HSH2D: variants seen among roughly 807,000 people sequenced by gnomAD.
The protein encoded by HSH2D is hematopoietic SH2 domain containing, also known as hematopoietic SH2 domain-containing protein.
In HSH2D, 16 loss-of-function variants were observed where a neutral mutation model predicts 21.5. The observed-to-expected ratio is 0.74, with a 90% CI of 0.50 to 1.13. The LOEUF (loss-of-function observed/expected upper bound fraction) is 1.13, where lower values mean the gene tolerates loss of function less well. Ranked by LOEUF, HSH2D falls within the 50% of genes most tolerant of loss-of-function variation. HSH2D has a pLI of 0.00. For missense variants in HSH2D, 418 were observed against 441.4 expected (o/e 0.95, Z 0.47); for synonymous variants, 172 against 184.7 (o/e 0.93, Z 0.56).
At chr19:16,144,439 TA>T (rs746627902) in intron 1 of HSH2D, among the ~76,000 whole-genome samples, 3 of 150,120 alleles carry the variant, frequency 2.0e-5, no homozygotes, top group Non-Finnish European at 3.0e-5. Flanking sequence ...CTCTTCCAAG[TA>T]AAAAAAAAGA....
intron 1 of HSH2D, chr19:16,134,271 G>C (rs2090944723): frequency 6.6e-6 from 1 of 152,208 alleles, no homozygotes; most frequent in African/African-American, 2.4e-5. Context: ...CTAGTTGGCA[G>C]TTCTGTACCC....
chr19:16,150,883 A>G (rs1436090726), intron 2 of HSH2D, among the ~76,000 whole-genome samples: 1 of 152,164 alleles, frequency 6.6e-6, no homozygotes, highest in African/African-American at 2.4e-5. Flanking sequence ...TTCATGAAAC[A>G]GCATATGTTC....
chr19:16,143,889 C>G, intron 1 of HSH2D, 115 bp downstream of exon 1: 6 of 248,444 alleles, frequency 2.4e-5, no homozygotes, highest in East Asian at 1.4e-4. Context: ...TTTCTAGGGG[C>G]ATGGGGGAGA....
intron 1 of HSH2D, among the ~76,000 whole-genome samples, chr19:16,134,959 T>TAA (rs992110141): frequency 7.7e-5 from 9 of 117,498 alleles, no homozygotes; most frequent in East Asian, 4.7e-4. Flanking sequence ...ACCCCATCTC[T>TAA]AAAAAAAAAA....
At chr19:16,134,907 A>C (rs1265771248) in intron 1 of HSH2D, among the ~76,000 whole-genome samples, 2 of 151,248 alleles carry the variant, frequency 1.3e-5, no homozygotes, top group African/African-American at 4.9e-5. Context: ...GAATAGCTTG[A>C]GGCCAGTTCA....
chr19:16,134,959 TAAAA>T (rs992110141), intron 1 of HSH2D, among the ~76,000 whole-genome samples: 2 of 117,504 alleles, frequency 1.7e-5, no homozygotes, highest in African/African-American at 3.2e-5. Context: ...ACCCCATCTC[TAAAA>T]AAAAAAAAAA....
chr19:16,156,356 A>G (rs1196888140), intron 5 of HSH2D, among the ~76,000 whole-genome samples: 6 of 151,866 alleles, frequency 4.0e-5, no homozygotes, highest in Non-Finnish European at 7.4e-5. Context: ...TCAAAAAAAA[A>G]AAAGATTTGT....
intron 1 of HSH2D, 60 bp from the exon 2 acceptor site, chr19:16,148,664 A>T: frequency 6.5e-7 from 1 of 1,536,164 alleles, no homozygotes; most frequent in Non-Finnish European, 9.0e-7. Flanking sequence ...CTTCAAGAAT[A>T]GAGCAAAGAT....
intron 4 of HSH2D, 92 bp from the exon 5 acceptor site, chr19:16,154,307 C>A: frequency 1.3e-6 from 1 of 775,822 alleles, no homozygotes; most frequent in South Asian, 1.8e-5. Context: ...AACTGCTATT[C>A]AAGGGATGGT....
At chr19:16,137,770 A>T (rs985029787) in intron 1 of HSH2D, among the ~76,000 whole-genome samples, 1 of 151,642 alleles carries the variant, frequency 6.6e-6, no homozygotes, top group Admixed American at 6.6e-5. Context: ...TTTTGTAGAG[A>T]TGGTGTCTCA....
Position 16,157,876 on chromosome 19 carries a change from C to A in HSH2D, c.*82C>A. 2 of 1,017,834 alleles carry A rather than the reference C, an allele frequency of 2.0e-6. No homozygotes were observed. The highest frequency in any genetic ancestry group is 2.8e-6 in the Non-Finnish European group (2 of 713,694). The allele number at this position is 1,017,834 out of a possible 1,614,324, so 63.1% of individuals were successfully genotyped here. On this transcript the variant is annotated 3_prime_UTR_variant, in exon 6 of 6. Transcript: ENST00000613986. The surrounding 1 kb of genome is among the most constrained non-coding windows in gnomAD (Gnocchi z 4.4). ...TGCCTTAACATTTCTTCCATGGCCC[C>A]ACACCATGGCATCCGGGGGTCTTCG...
intron 1 of HSH2D, among the ~76,000 whole-genome samples, chr19:16,146,667 C>G (rs1376140024): frequency 3.3e-5 from 5 of 151,906 alleles, no homozygotes; most frequent in Non-Finnish European, 1.5e-5. Flanking sequence ...GCCTCAGGAA[C>G]AGAGGGAAAC....
At chr19:16,136,476 A>G (rs1409612787) in intron 1 of HSH2D, among the ~76,000 whole-genome samples, 1 of 152,182 alleles carries the variant, frequency 6.6e-6, no homozygotes, top group African/African-American at 2.4e-5. Context: ...TTAGGCAGAT[A>G]GTGAGGGCAC....
At chr19:16,144,364 G>T (rs1470258307) in intron 1 of HSH2D, among the ~76,000 whole-genome samples, 7 of 151,940 alleles carry the variant, frequency 4.6e-5, no homozygotes, top group African/African-American at 1.7e-4. Flanking sequence ...TTGTCTGGGG[G>T]GAGATGCAGG....
At position 16,157,612 on chromosome 19, in the gene HSH2D, G is replaced by T. The variant is rs371188314; in HGVS notation, c.877G>T (p.Ala293Ser). ...PKDRKVPTRK[A>S]ERSVSCIEVT... The stretch of plus-strand genomic sequence containing the variant: ...AGACAGAAAGGTCCCCACCAGGAAG[G>T]CCGAGAGGTCGGTCAGCTGCATTGA... Residue 293 changes from alanine (A) to serine (S), a missense_variant, in exon 6 of 6, where the codon GCC becomes TCC. Physicochemically the swap from Ala to Ser is moderately conservative, Grantham distance 99. Transcript: ENST00000613986. This position sits in a 1 kb window ranked among gnomAD's most constrained non-coding sequence, Gnocchi z 4.4. 8.1e-5 allele frequency: 131 copies of T among 1,613,740 alleles called. No individual in the cohort carries two copies. The highest frequency in any genetic ancestry group is 1.1e-4 in the Non-Finnish European group (127 of 1,179,840).
At chr19:16,156,674 ACT>A (rs1270610176) in intron 5 of HSH2D, among the ~76,000 whole-genome samples, 1 of 151,970 alleles carries the variant, frequency 6.6e-6, no homozygotes, top group African/African-American at 2.4e-5. Context: ...TGAAATATTT[ACT>A]CTCTGACTCT....
At chr19:16,137,273 C>G (rs2090969996) in intron 1 of HSH2D, among the ~76,000 whole-genome samples, 1 of 152,128 alleles carries the variant, frequency 6.6e-6, no homozygotes, top group Non-Finnish European at 1.5e-5. Flanking sequence ...ACAGAATAGG[C>G]TGATATCAGC....
chr19:16,146,030 C>T (rs897439731), intron 1 of HSH2D, among the ~76,000 whole-genome samples: 11 of 149,482 alleles, frequency 7.4e-5, no homozygotes, highest in Non-Finnish European at 1.3e-4. Flanking sequence ...GAGCTGAGAT[C>T]GCGCCACTGC....
chr19:16,147,741 G>A (rs2091092949), intron 1 of HSH2D, among the ~76,000 whole-genome samples: 1 of 151,534 alleles, frequency 6.6e-6, no homozygotes, highest in Non-Finnish European at 1.5e-5. Context: ...CGCCTCCTGG[G>A]GTCAAGTGAT....
Sources: gnomAD v4.1 joint callset for allele counts (sites outside exome capture counted in the v4.1 genomes callset) on GRCh38, gnomAD v4.1.1 for gene constraint, Gnocchi (gnomAD v3.1) non-coding constraint, MANE v1.5 for transcripts, NCBI Gene and HGNC (gene_info 2026-07-23, HGNC 2026-07-21) for gene names.